The following ANKRD11 variants were observed in gnomAD, a reference collection of about 807,000 sequenced individuals.
ANKRD11 encodes the protein ankyrin repeat domain-containing protein 11.
In ANKRD11, 17 loss-of-function variants were observed where a neutral mutation model predicts 195.7. The ratio of observed to expected loss-of-function variants is 0.09; its 90% confidence interval spans 0.06 to 0.13. ANKRD11 has a LOEUF of 0.13. Among genes scored for constraint, ANKRD11 ranks in the 10% least tolerant of loss-of-function variants. The pLI, the probability that ANKRD11 is intolerant of heterozygous loss-of-function variation, is 1.00. For synonymous variants in ANKRD11, 1,953 were observed against 1,528.1 expected (o/e 1.28, Z -6.49); for missense variants, 3,735 against 3,566.1 (o/e 1.05, Z -1.21).
At position 89,482,318 on chromosome 16, in the gene ANKRD11, C is replaced by T. The variant is rs552254454; in HGVS notation, c.-145+7927G>A. On this transcript the variant is annotated intron_variant, in intron 1 of 12. Transcript: ENST00000301030. ...CTTTACAAACATGCCAATGTGTGAA[C>T]GGTCAGTCACAAAGACATAAAAAAA... Among the ~76,000 whole-genome samples, 190 of 152,230 alleles carry T rather than the reference C, an allele frequency of 1.2e-3. No homozygotes were observed. The Middle Eastern group carries it at 0.014, about 11-fold the overall frequency.
chr16:89,302,479 C>T (rs1454355788), intron 4 of ANKRD11, among the ~76,000 whole-genome samples: 1 of 152,170 alleles, frequency 6.6e-6, no homozygotes, highest in East Asian at 1.9e-4. Flanking sequence ...TCTCGAACTC[C>T]TGACCTTGTG....
intron 6 of ANKRD11, chr16:89,288,906 C>A (rs1268954394): frequency 6.6e-6 from 4 of 610,462 alleles, no homozygotes; most frequent in Non-Finnish European, 1.2e-5. Flanking sequence ...TACGGACTGA[C>A]AACCTGCAGG....
At chr16:89,391,847 C>A (rs1228038366) in intron 2 of ANKRD11, among the ~76,000 whole-genome samples, 1 of 152,202 alleles carries the variant, frequency 6.6e-6, no homozygotes, top group Non-Finnish European at 1.5e-5. Flanking sequence ...TCTTAAATAT[C>A]TGCTAGCCTT....
intron 2 of ANKRD11, chr16:89,395,951 C>G (rs1307727517): frequency 4.6e-5 from 7 of 152,098 alleles, no homozygotes; most frequent in African/African-American, 1.4e-4. Flanking sequence ...GCACTGCTGC[C>G]GCACACCAGA....
chr16:89,291,555 GTTCAATACACGTGTCTGTAA>G lies in ANKRD11; in HGVS notation c.227-392_227-373del. The G allele has an allele frequency of 1.3e-6, 1 of 759,930 alleles. No homozygotes were observed. The allele number at this position is 759,930 out of a possible 1,614,324, so 47.1% of individuals were successfully genotyped here. A position where few individuals can be genotyped will look rare whatever the true frequency, so the allele number is the denominator to read the frequency against. On this transcript the variant is annotated intron_variant, in intron 4 of 12. Coordinates refer to ENST00000301030, the MANE Select transcript of ANKRD11 (RefSeq NM_013275.6). This position sits in a 1 kb window ranked among gnomAD's most constrained non-coding sequence, Gnocchi z 5.3. ...CCTGGCTCACACAGGACAGGTCTCT[GTTCAATACACGTGTCTGTAA>G]TTCAATTCCACCTTCCCCGTCCCTC...
chr16:89,477,555 C>T (rs947653086), intron 1 of ANKRD11, among the ~76,000 whole-genome samples: 4 of 151,778 alleles, frequency 2.6e-5, no homozygotes, highest in African/African-American at 9.7e-5. Context: ...CAGGGTTTCA[C>T]CATGTGGCCC....
intron 2 of ANKRD11, among the ~76,000 whole-genome samples, chr16:89,394,257 G>A (rs2041328775): frequency 6.6e-6 from 1 of 152,194 alleles, no homozygotes; most frequent in Non-Finnish European, 1.5e-5. Context: ...GGTCTCCCAT[G>A]TCCCTGGAAA....
intron 2 of ANKRD11, chr16:89,320,457 G>C (rs1190112451): frequency 6.6e-6 from 1 of 152,278 alleles, no homozygotes; most frequent in Non-Finnish European, 1.5e-5. Context: ...GCCCTGTGCT[G>C]AGCGGCAAGG....
chr16:89,399,925 C>A (rs900481449), intron 2 of ANKRD11, among the ~76,000 whole-genome samples: 3 of 152,174 alleles, frequency 2.0e-5, no homozygotes, highest in Admixed American at 1.3e-4. Flanking sequence ...GCACCAGGAC[C>A]AAGAAGCAGA....
In ANKRD11 at chr16:89,284,303, A is replaced by C; in HGVS notation, c.2239T>G (p.Ser747Ala). The change falls in exon 9 of 13, where the codon TCG becomes GCG. Residue 747 changes from serine (S) to alanine (A), a missense_variant. By Grantham distance (99) the Ser-to-Ala change is moderately conservative (BLOSUM62 1). Transcript: ENST00000301030. ...TCTTTCGGAGACTTTTCCTTCAGCGATCTCTCCTTTTCTGCTTTATTCGAA... is the reference window on the plus strand; with the variant it reads ...TCTTTCGGAGACTTTTCCTTCAGCGCTCTCTCCTTTTCTGCTTTATTCGAA... Reference protein sequence around the residue: ...DRSNKAEKERSLKEKSPKEEK... With the variant: ...DRSNKAEKERALKEKSPKEEK... 4 of 1,612,934 alleles carry C rather than the reference A, an allele frequency of 2.5e-6. No homozygotes were observed. Among genetic ancestry groups the C allele is most frequent in the Non-Finnish European group, 3.4e-6 (4 of 1,179,892 alleles).
At chr16:89,487,083 A>G (rs1208010237) in intron 1 of ANKRD11, among the ~76,000 whole-genome samples, 1 of 152,232 alleles carries the variant, frequency 6.6e-6, no homozygotes, top group Non-Finnish European at 1.5e-5. Flanking sequence ...TTTCAAGACA[A>G]TAACTTTTAT....
At position 89,314,105 on chromosome 16, in the gene ANKRD11, T is replaced by C. The variant is rs548990475; in HGVS notation, c.87+2828A>G. On this transcript the variant is annotated intron_variant, in intron 3 of 12. Transcript: ENST00000301030. ...CGGGTGTAGCGGTCTGCTCCTGTGG[T>C]CCCAGCTGCAAGGGAGGCTGAAGTA... 5.9e-5 allele frequency among the ~76,000 whole-genome samples: 9 copies of C among 152,194 alleles called. No homozygotes were observed. In the South Asian group the frequency reaches 1.5e-3, roughly 25 times the overall value.
At chr16:89,396,437 C>G (rs151321697) in intron 2 of ANKRD11, among the ~76,000 whole-genome samples, 1 of 152,274 alleles carries the variant, frequency 6.6e-6, no homozygotes, top group East Asian at 1.9e-4. Context: ...GAAACGCTCA[C>G]AGCACAAACA....
At position 89,282,197 on chromosome 16, in the gene ANKRD11, C is replaced by T. The variant is rs757947925; in HGVS notation, c.4345G>A (p.Gly1449Arg). ...KKIEKELKPY[G>R]SSAINILKEK... Reference sequence around the variant, plus strand: ...TTTAGGATGTTGATGGCACTAGATCCATAAGGCTTTAGTTCCTTTTCTATT... The same window carrying T: ...TTTAGGATGTTGATGGCACTAGATCTATAAGGCTTTAGTTCCTTTTCTATT... The change falls in exon 9 of 13, where the codon GGA becomes AGA. Residue 1449 changes from glycine (G) to arginine (R), a missense_variant. Coordinates refer to ENST00000301030, the MANE Select transcript of ANKRD11 (RefSeq NM_013275.6). 4.2e-5 allele frequency: 68 copies of T among 1,613,974 alleles called. No homozygotes were observed. The highest frequency in any genetic ancestry group is 1.2e-4 in the Admixed American group (7 of 59,988).
chr16:89,432,983 T>TCTCTCTC (rs1288073620), intron 1 of ANKRD11, among the ~76,000 whole-genome samples: 1 of 134,950 alleles, frequency 7.4e-6, no homozygotes, highest in Admixed American at 7.2e-5. Flanking sequence ...TCTCTCTCTC[T>TCTCTCTC]CTCTCTCCTC....
chr16:89,350,169 A>T (rs1308230883), intron 2 of ANKRD11, among the ~76,000 whole-genome samples: 1 of 152,232 alleles, frequency 6.6e-6, no homozygotes, highest in Non-Finnish European at 1.5e-5. Context: ...AAAATGGAAA[A>T]GATGGACTAC....
intron 1 of ANKRD11, among the ~76,000 whole-genome samples, chr16:89,479,429 T>C (rs1201111659): frequency 6.8e-6 from 1 of 147,368 alleles, no homozygotes; most frequent in African/African-American, 2.5e-5. Context: ...GGTCGGGAGT[T>C]TGAGACCAGC....
chr16:89,276,589 A>C (rs572229896), intron 9 of ANKRD11, among the ~76,000 whole-genome samples: 1 of 152,266 alleles, frequency 6.6e-6, no homozygotes, highest in East Asian at 1.9e-4. Context: ...ACTGCCCAGA[A>C]GCTCCCAGCC....
chr16:89,343,086 T>A (rs888268179), intron 2 of ANKRD11, among the ~76,000 whole-genome samples: 2 of 152,316 alleles, frequency 1.3e-5, no homozygotes, highest in South Asian at 4.2e-4. Flanking sequence ...AGTGGTGCGA[T>A]CTCGGCTCAC....
Sources: allele counts gnomAD v4.1 joint callset (sites outside exome capture counted in the v4.1 genomes callset), GRCh38; gene constraint gnomAD v4.1.1; non-coding constraint Gnocchi (gnomAD v3.1); transcripts MANE v1.5; gene names NCBI Gene and HGNC (gene_info 2026-07-23, HGNC 2026-07-21).